The following CLASP2 variants were observed in gnomAD, a reference collection of about 807,000 sequenced individuals.
CLASP2 encodes cytoplasmic linker associated protein 2.
CLASP2 carries 47 observed loss-of-function variants against 194.4 expected under a neutral mutation model. The observed-to-expected ratio is 0.24, with a 90% CI of 0.19 to 0.31. CLASP2 has a LOEUF of 0.31. CLASP2 is among the 10% of genes least tolerant of loss of function. The pLI, the probability that CLASP2 is intolerant of heterozygous loss-of-function variation, is 1.00. For missense variants in CLASP2, 1,445 were observed against 1,823.6 expected (o/e 0.79, Z 3.78); for synonymous variants, 619 against 633.5 (o/e 0.98, Z 0.34).
intron 10 of CLASP2, among the ~76,000 whole-genome samples, chr3:33,624,908 C>T (rs2077729370): frequency 6.6e-6 from 1 of 151,898 alleles, no homozygotes; most frequent in Non-Finnish European, 1.5e-5. Flanking sequence ...ATCACAATGG[C>T]AAAAATTTTT....
chr3:33,668,274 T>A (rs1277805214), intron 6 of CLASP2, among the ~76,000 whole-genome samples: 2 of 152,204 alleles, frequency 1.3e-5, no homozygotes, highest in Admixed American at 6.5e-5. Flanking sequence ...TGAACCATAC[T>A]TAAGTTTAGT....
chr3:33,558,782 T>C (rs1300801583), intron 29 of CLASP2: 4 of 155,324 alleles, frequency 2.6e-5, no homozygotes, highest in East Asian at 1.9e-4. Context: ...AGTTAATACA[T>C]AGGCAAAACT....
chr3:33,711,850 G>A (rs567281407), intron 1 of CLASP2, among the ~76,000 whole-genome samples: 3 of 152,194 alleles, frequency 2.0e-5, no homozygotes, highest in Non-Finnish European at 4.4e-5. Context: ...TGCAAGAATG[G>A]CCATAATTAA....
chr3:33,654,950 T>C (rs1361425749), intron 7 of CLASP2, among the ~76,000 whole-genome samples: 1 of 152,126 alleles, frequency 6.6e-6, no homozygotes, highest in African/African-American at 2.4e-5. Flanking sequence ...AGGGGTCCCT[T>C]AAAAATTCAA....
chr3:33,528,835 G>A (rs9817055), intron 34 of CLASP2, among the ~76,000 whole-genome samples: 50,708 of 151,784 alleles, frequency 0.33, 8,914 homozygotes, highest in Admixed American at 0.46. Context: ...AGAAAGAGAG[G>A]TCGATAGACA....
intron 26 of CLASP2, among the ~76,000 whole-genome samples, chr3:33,570,208 A>C (rs1258070031): frequency 1.3e-5 from 2 of 152,170 alleles, no homozygotes; most frequent in Non-Finnish European, 2.9e-5. Flanking sequence ...AAAATGAACA[A>C]AGTTCTGAAA....
chr3:33,600,345 G>A (rs1472715112), intron 18 of CLASP2, among the ~76,000 whole-genome samples: 1 of 152,184 alleles, frequency 6.6e-6, no homozygotes, highest in Non-Finnish European at 1.5e-5. Flanking sequence ...GATGTTAGCT[G>A]TGGATTTTTC....
chr3:33,566,833 T>C (rs2062824886), intron 26 of CLASP2, 99 bp from the exon 27 acceptor site: 2 of 382,430 alleles, frequency 5.2e-6, no homozygotes, highest in South Asian at 2.0e-5. Flanking sequence ...AGTTCCTGTA[T>C]GGAAGAAAAA....
chr3:33,670,992 G>A (rs192719053), intron 6 of CLASP2, among the ~76,000 whole-genome samples: 3 of 152,228 alleles, frequency 2.0e-5, no homozygotes, highest in Admixed American at 2.0e-4. Flanking sequence ...TTTTATCAGA[G>A]CCTAAATGAC....
intron 2 of CLASP2, among the ~76,000 whole-genome samples, chr3:33,691,674 T>G (rs1670506329): frequency 6.6e-6 from 1 of 152,250 alleles, no homozygotes; most frequent in South Asian, 2.1e-4. Flanking sequence ...CTTCTGGTTC[T>G]GATAGCTTCT....
intron 34 of CLASP2, among the ~76,000 whole-genome samples, chr3:33,523,092 C>A (rs536669567): frequency 2.0e-5 from 3 of 152,114 alleles, no homozygotes; most frequent in Non-Finnish European, 4.4e-5. Context: ...AAAAAACAAA[C>A]AAACAAACAA....
chr3:33,548,575 G>T (rs750167722), intron 30 of CLASP2, among the ~76,000 whole-genome samples: 1 of 152,254 alleles, frequency 6.6e-6, no homozygotes, highest in South Asian at 2.1e-4. Context: ...AATTACAGGC[G>T]TTAGCCACTG....
intron 5 of CLASP2, among the ~76,000 whole-genome samples, chr3:33,686,647 T>C (rs1054172744): frequency 4.6e-5 from 7 of 152,206 alleles, no homozygotes; most frequent in African/African-American, 1.7e-4. Context: ...ATAACTGATA[T>C]ACCACTGATA....
intron 26 of CLASP2, among the ~76,000 whole-genome samples, chr3:33,570,384 A>T (rs1347500106): frequency 6.6e-6 from 1 of 152,200 alleles, no homozygotes; most frequent in Admixed American, 6.5e-5. Flanking sequence ...CACAGACGAA[A>T]ACAAAATAAA....
At chr3:33,651,401 A>C (rs1361941478) in intron 7 of CLASP2, among the ~76,000 whole-genome samples, 1 of 151,600 alleles carries the variant, frequency 6.6e-6, no homozygotes, top group African/African-American at 2.4e-5. Flanking sequence ...AAAAAAAAAA[A>C]AAACCCAGAA....
chr3:33,656,886 TCATTTACGTAAA>T (rs1477920975), intron 7 of CLASP2, among the ~76,000 whole-genome samples: 1 of 152,150 alleles, frequency 6.6e-6, no homozygotes, highest in East Asian at 1.9e-4. Flanking sequence ...CAGAATGGTA[TCATTTACGTAAA>T]CACAGTCAAA....
chr3:33,615,376 CAA>C (rs78845283), intron 12 of CLASP2, among the ~76,000 whole-genome samples: 40 of 60,766 alleles, frequency 6.6e-4, no homozygotes, highest in East Asian at 3.5e-3. Context: ...TTCTAAATTA[CAA>C]AAAAAAAAAA....
chr3:33,623,387 C>T (rs555058885), intron 10 of CLASP2, among the ~76,000 whole-genome samples: 1 of 152,168 alleles, frequency 6.6e-6, no homozygotes, highest in Admixed American at 6.6e-5. Flanking sequence ...TATTTTTGTA[C>T]CCTTCAACCA....
intron 37 of CLASP2, among the ~76,000 whole-genome samples, chr3:33,508,093 C>T (rs1341777466): frequency 2.6e-5 from 4 of 151,772 alleles, no homozygotes; most frequent in African/African-American, 9.7e-5. Flanking sequence ...TTCCCAGGCT[C>T]AGGTGATTCT....
Sources: allele counts gnomAD v4.1 joint callset (sites outside exome capture counted in the v4.1 genomes callset), GRCh38; gene constraint gnomAD v4.1.1; transcripts MANE v1.5; gene names NCBI Gene and HGNC (gene_info 2026-07-23, HGNC 2026-07-21).